RMST: variants seen among roughly 807,000 people sequenced by gnomAD.
RMST encodes the protein long intergenic non-protein coding RNA 54.
In RMST at chr12:97,514,618, G is replaced by A. The variant is rs187980409; in HGVS notation, n.1341-16037G>A. ...CTGAACTGTTGACAAGCTAAATTTAGCTAACAATTCATTGCATTAAATGCC... is the reference window on the plus strand; with the variant it reads ...CTGAACTGTTGACAAGCTAAATTTAACTAACAATTCATTGCATTAAATGCC... On this transcript the variant is annotated intron_variant and non_coding_transcript_variant, in intron 10 of 13. Transcript: ENST00000640149. Among the ~76,000 whole-genome samples the A allele has an allele frequency of 1.8e-3, 265 of 150,858 alleles. 1 individual carries two copies. The highest frequency in any genetic ancestry group is 6.2e-3 in the African/African-American group (255 of 41,210).
chr12:97,517,738 A>G (rs867716879), intron 10 of RMST, among the ~76,000 whole-genome samples: 13 of 151,996 alleles, frequency 8.6e-5, no homozygotes, highest in South Asian at 4.2e-4. Flanking sequence ...TCTGTAAATT[A>G]ATAATTATAT....
chr12:97,520,650 G>A (rs541310670), intron 10 of RMST, among the ~76,000 whole-genome samples: 7 of 152,014 alleles, frequency 4.6e-5, no homozygotes, highest in Middle Eastern at 3.4e-3. Flanking sequence ...TCCCCCAAAC[G>A]ATTTTTAATT....
intron 5 of RMST, among the ~76,000 whole-genome samples, chr12:97,475,758 T>C (rs765465449): frequency 6.6e-6 from 1 of 152,102 alleles, no homozygotes; most frequent in Non-Finnish European, 1.5e-5. Flanking sequence ...CTCTTGTTGA[T>C]TATCTTATTC....
At chr12:97,561,388 G>A (rs1331317025) in intron 13 of RMST, among the ~76,000 whole-genome samples, 1 of 152,068 alleles carries the variant, frequency 6.6e-6, no homozygotes, top group Non-Finnish European at 1.5e-5. Flanking sequence ...TGTTGTGAAC[G>A]CAGGTTGGGA....
chr12:97,539,383 G>C (rs1045349196), intron 11 of RMST, among the ~76,000 whole-genome samples: 1 of 151,576 alleles, frequency 6.6e-6, no homozygotes, highest in Non-Finnish European at 1.5e-5. Flanking sequence ...ATGTAACTGT[G>C]TGTGCACATA....
intron 10 of RMST, among the ~76,000 whole-genome samples, chr12:97,506,009 G>A (rs1214415978): frequency 6.6e-6 from 1 of 152,038 alleles, no homozygotes; most frequent in African/African-American, 2.4e-5. Context: ...TATAAATGAG[G>A]TCAATTAATT....
At chr12:97,466,482 T>C (rs1873211025) in intron 5 of RMST, among the ~76,000 whole-genome samples, 1 of 152,178 alleles carries the variant, frequency 6.6e-6, no homozygotes, top group Non-Finnish European at 1.5e-5. Context: ...ATTATGTATA[T>C]GAACACATTT....
intron 5 of RMST, among the ~76,000 whole-genome samples, chr12:97,474,624 CA>C (rs34888626): frequency 0.041 from 2,284 of 55,818 alleles, 39 homozygotes; most frequent in African/African-American, 0.15. Flanking sequence ...AAAAAGAAGC[CA>C]AAAAAAAAAA....
At chr12:97,464,893 T>C (rs2136370785) in intron 4 of RMST, 1 of 152,334 alleles carries the variant, frequency 6.6e-6, no homozygotes, top group South Asian at 2.1e-4. Context: ...ACTAAAAATA[T>C]GTTTTGTTCT....
intron 10 of RMST, among the ~76,000 whole-genome samples, chr12:97,529,588 G>A (rs1390297780): frequency 3.4e-4 from 16 of 47,656 alleles, no homozygotes; most frequent in African/African-American, 1.1e-3. Flanking sequence ...ATTCTGCTGC[G>A]CAAACTTTAT....
intron 11 of RMST, among the ~76,000 whole-genome samples, chr12:97,531,318 A>G (rs971799640): frequency 2.6e-5 from 4 of 152,042 alleles, no homozygotes; most frequent in Admixed American, 2.0e-4. Context: ...AGACATGCTC[A>G]AAGGAAAGCT....
intron 11 of RMST, among the ~76,000 whole-genome samples, chr12:97,551,434 G>T (rs10507090): frequency 0.14 from 21,971 of 152,178 alleles, 1,803 homozygotes; most frequent in East Asian, 0.36. Context: ...ATGGCATGAG[G>T]TGAAGGATAA....
chr12:97,463,540 A>G (rs1288393812), intron 4 of RMST, among the ~76,000 whole-genome samples: 1 of 152,162 alleles, frequency 6.6e-6, no homozygotes, highest in Non-Finnish European at 1.5e-5. Flanking sequence ...GTTTAAATTT[A>G]TATCTGGAAA....
intron 11 of RMST, among the ~76,000 whole-genome samples, chr12:97,559,803 G>A (rs191919307): frequency 1.4e-3 from 207 of 152,098 alleles, no homozygotes; most frequent in Non-Finnish European, 1.1e-3. Flanking sequence ...AAACTATTAC[G>A]CATAATGAAC....
chr12:97,510,095 T>C lies in RMST; in HGVS notation n.1340+14039T>C, dbSNP rs554774195. ...TATACATGTACACTCATTTATACTC[T>C]GAGATTTATAAGAGAGGAAGCATTT... On this transcript the variant is annotated intron_variant and non_coding_transcript_variant, in intron 10 of 13. Coordinates refer to ENST00000640149, the Ensembl canonical transcript of RMST. Among the ~76,000 whole-genome samples, 10 of 152,306 alleles carry C rather than the reference T, an allele frequency of 6.6e-5. No homozygotes were observed. The South Asian group carries it at 2.1e-3, about 32-fold the overall frequency.
chr12:97,482,469 T>A (rs1480789343), intron 5 of RMST, among the ~76,000 whole-genome samples: 1 of 151,990 alleles, frequency 6.6e-6, no homozygotes, highest in African/African-American at 2.4e-5. Context: ...ACTTTTTTTG[T>A]TTTGATTTTC....
chr12:97,504,789 C>T (rs1309097517), intron 10 of RMST, among the ~76,000 whole-genome samples: 4 of 152,240 alleles, frequency 2.6e-5, no homozygotes, highest in African/African-American at 7.2e-5. Flanking sequence ...TGGTTTCAGA[C>T]TTCAATTTGT....
intron 11 of RMST, among the ~76,000 whole-genome samples, chr12:97,555,174 T>C (rs978744360): frequency 1.3e-5 from 2 of 152,230 alleles, no homozygotes; most frequent in African/African-American, 2.4e-5. Context: ...AGGTTCTTAT[T>C]GCATCCAAGA....
intron 10 of RMST, among the ~76,000 whole-genome samples, chr12:97,501,980 G>A (rs933309530): frequency 1.4e-4 from 21 of 152,124 alleles, no homozygotes; most frequent in African/African-American, 5.1e-4. Flanking sequence ...CTCAGTATTA[G>A]TATGAGTTAC....
Sources: gnomAD v4.1 joint callset for allele counts (sites outside exome capture counted in the v4.1 genomes callset) on GRCh38, gnomAD v4.1.1 for gene constraint, MANE v1.5 for transcripts, NCBI Gene and HGNC (gene_info 2026-07-23, HGNC 2026-07-21) for gene names.